The following ARAP2 variants were observed in gnomAD, a reference collection of about 807,000 sequenced individuals.
ARAP2 encodes the protein arf-GAP with Rho-GAP domain, ANK repeat and PH domain-containing protein 2.
In ARAP2, 148 loss-of-function variants were observed where a neutral mutation model predicts 194.5. That is an observed-to-expected ratio of 0.76 (90% CI 0.67 to 0.87). The LOEUF (loss-of-function observed/expected upper bound fraction) is 0.87. Among genes scored for constraint, ARAP2 ranks in the 40% least tolerant of loss-of-function variants. ARAP2 has a pLI of 0.00. For synonymous variants in ARAP2, 695 were observed against 683.5 expected, an observed-to-expected ratio of 1.02 and a Z score of -0.26; for missense variants, 2,128 against 1,989.7, an observed-to-expected ratio of 1.07 and a Z score of -1.32.
intron 19 of ARAP2, among the ~76,000 whole-genome samples, chr4:36,140,111 TTTTC>T (rs1727901874): frequency 6.9e-6 from 1 of 144,134 alleles, no homozygotes; most frequent in African/African-American, 2.5e-5. Context: ...ATAAAAATAC[TTTTC>T]TTTAAAAAAC....
At chr4:36,239,722 G>C (rs746584591) in intron 1 of ARAP2, among the ~76,000 whole-genome samples, 8 of 152,178 alleles carry the variant, frequency 5.3e-5, no homozygotes, top group Non-Finnish European at 1.2e-4. Context: ...TAGCGTTACT[G>C]AACTATACAC....
exon 3 of ARAP2, chr4:36,052,034 G>C (rs543318441): frequency 6.6e-6 from 1 of 152,172 alleles, no homozygotes; most frequent in Admixed American, 6.5e-5. Flanking sequence ...TCTAGCGCTT[G>C]CTGTTAGAAC....
At chr4:36,221,063 C>A (rs184736099) in intron 2 of ARAP2, among the ~76,000 whole-genome samples, 12 of 151,962 alleles carry the variant, frequency 7.9e-5, no homozygotes, top group Non-Finnish European at 1.5e-4. Context: ...TTTTACTGTA[C>A]CTTTTCTATG....
chr4:36,118,152 T>G (rs1721824235), intron 24 of ARAP2, among the ~76,000 whole-genome samples: 1 of 151,286 alleles, frequency 6.6e-6, no homozygotes, highest in South Asian at 2.1e-4. Context: ...TTAGAAAAGC[T>G]TATTTCCAGT....
chr4:36,226,571 T>C (rs1423580316), intron 2 of ARAP2, among the ~76,000 whole-genome samples: 2 of 152,208 alleles, frequency 1.3e-5, no homozygotes, highest in East Asian at 1.9e-4. Context: ...AATTCATTAT[T>C]TAAGCGTTTC....
chr4:36,153,542 A>T (rs1731507822), intron 15 of ARAP2, among the ~76,000 whole-genome samples: 1 of 152,234 alleles, frequency 6.6e-6, no homozygotes, highest in Non-Finnish European at 1.5e-5. Flanking sequence ...ATGCAAGTAA[A>T]GTTAGTGGAT....
intron 2 of ARAP2, among the ~76,000 whole-genome samples, chr4:36,222,099 T>C (rs550473393): frequency 6.6e-5 from 10 of 152,228 alleles, no homozygotes; most frequent in East Asian, 3.9e-4. Flanking sequence ...AACTGAACCA[T>C]AGTCATCATC....
chr4:36,214,991 C>A (rs993830267), intron 2 of ARAP2, among the ~76,000 whole-genome samples: 1 of 151,982 alleles, frequency 6.6e-6, no homozygotes, highest in African/African-American at 2.4e-5. Flanking sequence ...CTTACAGTCT[C>A]GGAAGGAAGA....
chr4:36,210,656 T>A lies in ARAP2; in HGVS notation c.1221A>T (p.Ile407=), dbSNP rs777119832. ...IPREDKNNFL[I]DTASESEYST... The stretch of plus-strand genomic sequence containing the variant: ...AGTATTCTGATTCAGAAGCAGTGTC[T>A]ATCAAAAAATTGTTTTTGTCCTCTC... Residue 407 remains isoleucine (I), a synonymous_variant, in exon 6 of 33, where the codon ATA becomes ATT. Transcript: ENST00000303965. 1.1e-5 allele frequency: 18 copies of A among 1,613,524 alleles called. No individual in the cohort carries two copies. Among genetic ancestry groups the A allele is most frequent in the Non-Finnish European group, 1.4e-5 (16 of 1,179,822 alleles).
At chr4:36,112,305 C>G (rs1300098624) in intron 26 of ARAP2, among the ~76,000 whole-genome samples, 1 of 151,860 alleles carries the variant, frequency 6.6e-6, no homozygotes, top group Non-Finnish European at 1.5e-5. Context: ...ATACACATTG[C>G]TATTCTATAA....
At chr4:36,102,077 T>G (rs922728257) in intron 27 of ARAP2, among the ~76,000 whole-genome samples, 4 of 152,042 alleles carry the variant, frequency 2.6e-5, no homozygotes, top group Non-Finnish European at 4.4e-5. Context: ...TCTGATATTC[T>G]TACTCTAACA....
In ARAP2 at chr4:36,243,383, CAAAAAAA is replaced by C. The variant is rs71201008; in HGVS notation, c.-160+789_-160+795del. On this transcript the variant is annotated intron_variant, in intron 1 of 32. Coordinates refer to ENST00000303965, the MANE Select transcript of ARAP2 (RefSeq NM_015230.4). ...ACAGCCTACTTCAAGGACAAGCTTG[CAAAAAAA>C]AAAAAAAAAAAAAAAAGAATTTGCT... Among the ~76,000 whole-genome samples the C allele has an allele frequency of 6.2e-3, 524 of 85,072 alleles. 8 individuals are homozygous for C. The East Asian group carries it at 0.069, about 11-fold the overall frequency. The allele number at this position is 85,072 out of a possible 152,430, so 55.8% of individuals were successfully genotyped here. A position where few individuals can be genotyped will look rare whatever the true frequency, so the allele number is the denominator to read the frequency against.
intron 27 of ARAP2, among the ~76,000 whole-genome samples, chr4:36,097,975 C>G (rs1006342606): frequency 2.0e-5 from 3 of 151,930 alleles, no homozygotes; most frequent in Admixed American, 6.6e-5. Flanking sequence ...ACGTAGGAAA[C>G]AAAGCAGAAT....
intron 30 of ARAP2, among the ~76,000 whole-genome samples, chr4:36,080,560 G>T (rs986626780): frequency 6.6e-6 from 1 of 152,182 alleles, no homozygotes; most frequent in Admixed American, 6.5e-5. Flanking sequence ...AAGGCAGAAA[G>T]ATTTATTTCA....
chr4:36,121,358 C>A, intron 22 of ARAP2, 32 bp from the exon 23 acceptor site: 1 of 1,525,856 alleles, frequency 6.6e-7, no homozygotes, highest in South Asian at 1.3e-5. Context: ...TATTATGATA[C>A]ACTTTTATTT....
chr4:36,133,680 G>A (rs6531414), intron 19 of ARAP2, among the ~76,000 whole-genome samples: 141,506 of 151,786 alleles, frequency 0.93, 66,047 homozygotes, highest in African/African-American at 0.98. Context: ...TGTGACTTCT[G>A]ACGGATATTT....
Position 36,169,282 on chromosome 4 carries a change from G to C in ARAP2, c.1858-2235C>G, listed in dbSNP as rs190890394. 4.1e-3 allele frequency among the ~76,000 whole-genome samples: 618 copies of C among 152,154 alleles called. 3 individuals are homozygous for C. The highest frequency in any genetic ancestry group is 0.014 in the Middle Eastern group (4 of 294). ...ATTCCAGGTTATATTCTCTGACGGG[G>C]GCCTGGCCTGTAAGTCCTGTATGTT... On this transcript the variant is annotated intron_variant, in intron 9 of 32. Coordinates refer to ENST00000303965, the MANE Select transcript of ARAP2 (RefSeq NM_015230.4).
In ARAP2 at chr4:36,147,367, G is replaced by C. The variant is rs372009507; in HGVS notation, c.3200-8C>G. ...GAACCATTGTGCTGATTGCTGAAGGGAGAATGAAAAGCAAAAATTTATTTT... is the reference window on the plus strand; with the variant it reads ...GAACCATTGTGCTGATTGCTGAAGGCAGAATGAAAAGCAAAAATTTATTTT... On this transcript the variant is annotated splice_polypyrimidine_tract_variant and splice_region_variant and intron_variant, in intron 18 of 32. Coordinates refer to ENST00000303965, the MANE Select transcript of ARAP2 (RefSeq NM_015230.4). 1 of 1,612,384 alleles carries C rather than the reference G, an allele frequency of 6.2e-7. No individual in the cohort carries two copies. The highest frequency in any genetic ancestry group is 8.5e-7 in the Non-Finnish European group (1 of 1,179,068).
chr4:36,200,397 G>A (rs1345373621), intron 6 of ARAP2, among the ~76,000 whole-genome samples: 7 of 151,618 alleles, frequency 4.6e-5, no homozygotes, highest in African/African-American at 9.7e-5. Flanking sequence ...CTGGGATTAC[G>A]GGCATGCACC....
Sources: gnomAD v4.1 joint callset for allele counts (sites outside exome capture counted in the v4.1 genomes callset) on GRCh38, gnomAD v4.1.1 for gene constraint, MANE v1.5 for transcripts, NCBI Gene and HGNC (gene_info 2026-07-23, HGNC 2026-07-21) for gene names.